Variants in HLCS observed in about 807,000 individuals in gnomAD.
The protein encoded by HLCS is holocarboxylase synthetase.
In HLCS, 53 loss-of-function variants were observed where a neutral mutation model predicts 75.0. That is an observed-to-expected ratio of 0.71 (90% CI 0.57 to 0.89). The LOEUF is 0.89. Among genes scored for constraint, HLCS ranks in the 40% least tolerant of loss-of-function variants. The pLI is 0.00. For missense variants in HLCS, 966 were observed against 1,074.0 expected (o/e 0.90, Z 1.41); for synonymous variants, 431 against 428.6 (o/e 1.01, Z -0.07).
At chr21:36,862,582 C>T (rs2063416557) in intron 6 of HLCS, among the ~76,000 whole-genome samples, 1 of 152,184 alleles carries the variant, frequency 6.6e-6, no homozygotes, top group African/African-American at 2.4e-5. Context: ...TTTTCCTTTA[C>T]AAAATTTTCT....
chr21:36,801,921 A>C (rs2061215262), intron 6 of HLCS, among the ~76,000 whole-genome samples: 1 of 152,160 alleles, frequency 6.6e-6, no homozygotes, highest in Non-Finnish European at 1.5e-5. Flanking sequence ...GGTGTGAGCC[A>C]CTGCATTCAG....
intron 6 of HLCS, among the ~76,000 whole-genome samples, chr21:36,872,613 T>C (rs1003920648): frequency 6.6e-6 from 1 of 152,174 alleles, no homozygotes; most frequent in East Asian, 1.9e-4. Context: ...ACTATGTACT[T>C]GTTCATGGGA....
chr21:36,839,980 C>T (rs1051811258), intron 6 of HLCS, among the ~76,000 whole-genome samples: 1 of 152,210 alleles, frequency 6.6e-6, no homozygotes, highest in Non-Finnish European at 1.5e-5. Context: ...TTTGGAAGTG[C>T]TTTCCAAGGA....
rs374056420 is a variant in HLCS at position 36,866,413 on chromosome 21, A to T, written c.1892+30447T>A. 9.8e-5 allele frequency among the ~76,000 whole-genome samples: 15 copies of T among 152,356 alleles called. No individual in the cohort carries two copies. In the East Asian group the frequency reaches 1.9e-3, roughly 20 times the overall value. ...GCCATTTTGACGGTCATTACACTTT[A>T]TGTGAGGTTAGTGTACAATGTGGCG... is the stretch of plus-strand genomic sequence containing the variant. On this transcript the variant is annotated intron_variant, in intron 6 of 10. Transcript: ENST00000674895.
intron 6 of HLCS, among the ~76,000 whole-genome samples, chr21:36,867,312 C>T (rs1340363269): frequency 6.6e-6 from 1 of 152,154 alleles, no homozygotes; most frequent in Non-Finnish European, 1.5e-5. Context: ...GTATAATGTA[C>T]AGTAGTAAAA....
intron 3 of HLCS, 101 bp downstream of exon 3, chr21:36,938,731 G>T (rs2067005562): frequency 8.2e-7 from 1 of 1,216,356 alleles, no homozygotes; most frequent in African/African-American, 1.5e-5. Flanking sequence ...TCGAACTCCT[G>T]GGCTCCAAGC....
intron 6 of HLCS, among the ~76,000 whole-genome samples, chr21:36,810,911 C>A (rs1346139670): frequency 6.6e-6 from 1 of 152,038 alleles, no homozygotes; most frequent in Admixed American, 6.5e-5. Flanking sequence ...CTTTTCAAAC[C>A]AAATCTGGGA....
At chr21:36,846,342 A>G (rs998979642) in intron 6 of HLCS, among the ~76,000 whole-genome samples, 7 of 152,176 alleles carry the variant, frequency 4.6e-5, no homozygotes, top group Non-Finnish European at 7.3e-5. Flanking sequence ...TAAAGTTCCT[A>G]TACATTAGGC....
chr21:36,780,840 G>A (rs2060505963), intron 6 of HLCS, among the ~76,000 whole-genome samples: 1 of 152,072 alleles, frequency 6.6e-6, no homozygotes, highest in Non-Finnish European at 1.5e-5. Flanking sequence ...ATGTGCGTGT[G>A]TATACACAGT....
At chr21:36,782,326 T>C (rs990405643) in intron 6 of HLCS, among the ~76,000 whole-genome samples, 1 of 152,206 alleles carries the variant, frequency 6.6e-6, no homozygotes, top group Non-Finnish European at 1.5e-5. Context: ...TGAAATAGCT[T>C]TCAGAACTCC....
intron 1 of HLCS, among the ~76,000 whole-genome samples, chr21:36,975,644 G>A (rs568674706): frequency 5.6e-4 from 86 of 152,214 alleles, no homozygotes; most frequent in African/African-American, 1.9e-3. Context: ...ATGGTGGCAC[G>A]TGCCTATAGC....
chr21:36,870,824 G>C (rs1386116409), intron 6 of HLCS, among the ~76,000 whole-genome samples: 1 of 152,154 alleles, frequency 6.6e-6, no homozygotes, highest in African/African-American at 2.4e-5. Context: ...TGGTCCAACT[G>C]TTTTAAAAGA....
At position 36,749,316 on chromosome 21, in the gene HLCS, C is replaced by T. The variant is rs1429761524; in HGVS notation, c.*4930G>A. 2 of 152,588 alleles carry T rather than the reference C, an allele frequency of 1.3e-5. No individual in the cohort carries two copies. The highest frequency in any genetic ancestry group is 2.9e-5 in the Non-Finnish European group (2 of 68,034). 9.5% of individuals were successfully genotyped at this position (152,588 alleles called of 1,614,324 possible). A position where few individuals can be genotyped will look rare whatever the true frequency, so the allele number is the denominator to read the frequency against. On this transcript the variant is annotated 3_prime_UTR_variant, in exon 11 of 11. Transcript: ENST00000674895. Reference sequence around the variant, plus strand: ...CTATCAACACTGCAGCATTTTGCTGCTTTATCAAAATGGTTTATTTTAGGA... The same window carrying T: ...CTATCAACACTGCAGCATTTTGCTGTTTTATCAAAATGGTTTATTTTAGGA...
At chr21:36,872,175 C>T (rs1444928939) in intron 6 of HLCS, among the ~76,000 whole-genome samples, 1 of 152,132 alleles carries the variant, frequency 6.6e-6, no homozygotes, top group Non-Finnish European at 1.5e-5. Flanking sequence ...GTAATCCTAG[C>T]ACTTTGGGAG....
At chr21:36,782,444 A>C (rs1464422596) in intron 6 of HLCS, among the ~76,000 whole-genome samples, 1 of 152,158 alleles carries the variant, frequency 6.6e-6, no homozygotes, top group Non-Finnish European at 1.5e-5. Context: ...TTAAGAATCT[A>C]CATATAAGAA....
chr21:36,776,629 G>A (rs2060366758), intron 6 of HLCS, among the ~76,000 whole-genome samples: 1 of 152,100 alleles, frequency 6.6e-6, no homozygotes, highest in African/African-American at 2.4e-5. Flanking sequence ...TGGTTGGGCT[G>A]GTCTCGAACT....
At chr21:36,880,549 A>G (rs1981487398) in intron 6 of HLCS, among the ~76,000 whole-genome samples, 1 of 152,192 alleles carries the variant, frequency 6.6e-6, no homozygotes, top group African/African-American at 2.4e-5. Flanking sequence ...AAAAGAGAAG[A>G]TGCCATAGGT....
chr21:36,939,806 G>A (rs1273443200), intron 2 of HLCS, among the ~76,000 whole-genome samples: 1 of 152,138 alleles, frequency 6.6e-6, no homozygotes, highest in Non-Finnish European at 1.5e-5. Flanking sequence ...CGAGTCAAAG[G>A]CAACTAATCA....
Position 36,752,371 on chromosome 21 carries a change from A to G in HLCS, c.*1875T>C, listed in dbSNP as rs1466552576. The G allele has an allele frequency of 6.6e-6, 1 of 152,610 alleles. No individual in the cohort carries two copies. The highest frequency in any genetic ancestry group is 2.4e-5 in the African/African-American group (1 of 41,462). 9.5% of individuals were successfully genotyped at this position (152,610 alleles called of 1,614,324 possible). A position where few individuals can be genotyped will look rare whatever the true frequency, so the allele number is the denominator to read the frequency against. ...ATAGGACTTCAGCTTAAAACAAAAC[A>G]TAGCATGTTTTTCATTAAATAACCC... On this transcript the variant is annotated 3_prime_UTR_variant, in exon 11 of 11. Coordinates refer to ENST00000674895, the MANE Select transcript of HLCS (RefSeq NM_001352514.2).
Sources: gnomAD v4.1 joint callset for allele counts (sites outside exome capture counted in the v4.1 genomes callset) on GRCh38, gnomAD v4.1.1 for gene constraint, MANE v1.5 for transcripts, NCBI Gene and HGNC (gene_info 2026-07-23, HGNC 2026-07-21) for gene names.